Variants in PLPPR1 observed in about 807,000 individuals in gnomAD.
PLPPR1 encodes phospholipid phosphatase-related protein type 1.
PLPPR1 carries 10 observed loss-of-function variants against 33.1 expected under a neutral mutation model. That is an observed-to-expected ratio of 0.30 (90% CI 0.19 to 0.51). The LOEUF (loss-of-function observed/expected upper bound fraction) is 0.51, where lower values mean the gene tolerates loss of function less well. Ranked by LOEUF, PLPPR1 falls within the 20% of genes least tolerant of loss-of-function variation. The probability of loss-of-function intolerance (pLI) is 0.97; values close to 1 mark genes in which losing one functional copy is unlikely to be tolerated. For synonymous variants in PLPPR1, 151 were observed against 151.0 expected (o/e 1.00, Z 0.00); for missense variants, 304 against 408.1 (o/e 0.74, Z 2.20).
intron 2 of PLPPR1, among the ~76,000 whole-genome samples, chr9:101,239,463 C>A (rs888201023): frequency 4.6e-5 from 7 of 151,888 alleles, no homozygotes; most frequent in Non-Finnish European, 8.8e-5. Flanking sequence ...CAGAATCATG[C>A]AATATATCCA....
At chr9:101,164,265 C>G (rs1419843723) in intron 1 of PLPPR1, among the ~76,000 whole-genome samples, 1 of 152,078 alleles carries the variant, frequency 6.6e-6, no homozygotes, top group East Asian at 1.9e-4. Flanking sequence ...AAATGTTTCT[C>G]ATCTATAAAA....
Position 101,108,411 on chromosome 9 carries a change from G to T in PLPPR1, c.-45-77039G>T, listed in dbSNP as rs1379933964. Reference sequence around the variant, plus strand: ...AGTAGGTGCTCAATAGATGTTTGTTGAATGAAATAAAAACATGCATAGGTG... The same window carrying T: ...AGTAGGTGCTCAATAGATGTTTGTTTAATGAAATAAAAACATGCATAGGTG... On this transcript the variant is annotated intron_variant, in intron 1 of 7. Coordinates refer to ENST00000374874, the MANE Select transcript of PLPPR1 (RefSeq NM_207299.2). Among the ~76,000 whole-genome samples, 6 of 152,146 alleles carry T rather than the reference G, an allele frequency of 3.9e-5. No individual in the cohort carries two copies. The East Asian group carries it at 1.2e-3, about 29-fold the overall frequency.
chr9:101,252,974 G>A (rs115392139), intron 2 of PLPPR1, among the ~76,000 whole-genome samples: 2,768 of 152,076 alleles, frequency 0.018, 81 homozygotes, highest in African/African-American at 0.064. Flanking sequence ...AACTCATGAT[G>A]AGAAAATAAT....
intron 4 of PLPPR1, among the ~76,000 whole-genome samples, chr9:101,288,139 T>G (rs1240689983): frequency 1.3e-5 from 2 of 152,144 alleles, no homozygotes; most frequent in African/African-American, 2.4e-5. Context: ...CTTTATGCAT[T>G]GGTAGCACAA....
At position 101,038,088 on chromosome 9, in the gene PLPPR1, A is replaced by G. The variant is rs116837772; in HGVS notation, c.-46+8986A>G. 3.6e-3 allele frequency among the ~76,000 whole-genome samples: 553 copies of G among 152,238 alleles called. 5 individuals carry two copies. The highest frequency in any genetic ancestry group is 0.012 in the African/African-American group (507 of 41,562). The stretch of plus-strand genomic sequence containing the variant: ...AAAACGACTATCAGTTGTTTGGTGT[A>G]TATTTCTTCAACATTTTTGGTCCAT... On this transcript the variant is annotated intron_variant, in intron 1 of 7. Transcript: ENST00000374874.
At chr9:101,200,973 A>T (rs1243441820) in intron 2 of PLPPR1, among the ~76,000 whole-genome samples, 1 of 152,206 alleles carries the variant, frequency 6.6e-6, no homozygotes, top group African/African-American at 2.4e-5. Context: ...AAATCATAAA[A>T]AACAGAAAAG....
In PLPPR1 at chr9:101,313,070, C is replaced by T. The variant is rs954561633; in HGVS notation, c.813+96C>T. The T allele has an allele frequency of 3.0e-5, 32 of 1,058,408 alleles. 1 individual carries two copies. In the Admixed American group the frequency reaches 3.2e-4, roughly 11 times the overall value. 65.6% of individuals were successfully genotyped at this position (1,058,408 alleles called of 1,614,324 possible). On this transcript the variant is annotated intron_variant, in intron 6 of 7. Transcript: ENST00000374874. ...CAGACTTCACCATCTGTGTTCCTTT[C>T]GTCCCAACCTTGTGAATTACAATTA...
chr9:101,290,951 C>T lies in PLPPR1; in HGVS notation c.385+4715C>T, dbSNP rs540410803. Among the ~76,000 whole-genome samples, 6 of 152,288 alleles carry T rather than the reference C, an allele frequency of 3.9e-5. No homozygotes were observed. In the East Asian group the frequency reaches 5.8e-4, roughly 15 times the overall value. ...AGTGGGCGCAGGACAGTGGGTGCAG[C>T]GCACCAAGCGCGAGCCAAAGTAGGG... On this transcript the variant is annotated intron_variant, in intron 4 of 7. Coordinates refer to ENST00000374874, the MANE Select transcript of PLPPR1 (RefSeq NM_207299.2).
chr9:101,185,932 A>G (rs1316364452), intron 2 of PLPPR1, among the ~76,000 whole-genome samples: 1 of 151,914 alleles, frequency 6.6e-6, no homozygotes, highest in Non-Finnish European at 1.5e-5. Flanking sequence ...TCAGGAAGTC[A>G]ATAATCCATG....
chr9:101,317,083 A>C (rs920055737), intron 6 of PLPPR1, among the ~76,000 whole-genome samples: 2 of 152,212 alleles, frequency 1.3e-5, no homozygotes, highest in Non-Finnish European at 2.9e-5. Context: ...GGTGGTTTGC[A>C]TTCACCATGT....
At chr9:101,137,334 A>C (rs1042826469) in intron 1 of PLPPR1, among the ~76,000 whole-genome samples, 1 of 152,172 alleles carries the variant, frequency 6.6e-6, no homozygotes, top group African/African-American at 2.4e-5. Context: ...GGTGAAAAAG[A>C]AAGTCAGGGA....
intron 2 of PLPPR1, among the ~76,000 whole-genome samples, chr9:101,204,824 T>A (rs1319894933): frequency 6.6e-6 from 1 of 152,168 alleles, no homozygotes; most frequent in Non-Finnish European, 1.5e-5. Flanking sequence ...CCCAGTCCAG[T>A]CTAGTCTACC....
intron 2 of PLPPR1, among the ~76,000 whole-genome samples, chr9:101,203,929 GAGAA>G (rs111353463): frequency 6.6e-6 from 1 of 152,010 alleles, no homozygotes; most frequent in Non-Finnish European, 1.5e-5. Context: ...AAAGGAATTT[GAGAA>G]AGAGTTATGT....
chr9:101,192,951 A>G (rs556341990), intron 2 of PLPPR1, among the ~76,000 whole-genome samples: 24 of 152,274 alleles, frequency 1.6e-4, no homozygotes, highest in African/African-American at 5.8e-4. Context: ...TCAAGTATCT[A>G]TTTTTCATGG....
At position 101,218,580 on chromosome 9, in the gene PLPPR1, A is replaced by G. The variant is rs189956902; in HGVS notation, c.63+33023A>G. On this transcript the variant is annotated intron_variant, in intron 2 of 7. Coordinates refer to ENST00000374874, the MANE Select transcript of PLPPR1 (RefSeq NM_207299.2). ...CTTAAATGAAAAATATATAGGGCAT[A>G]GTGCAGTGCTTTGCCCATAGTAAGC... Among the ~76,000 whole-genome samples the G allele has an allele frequency of 3.3e-4, 50 of 152,334 alleles. 1 individual carries two copies. The highest frequency in any genetic ancestry group is 2.7e-3 in the Admixed American group (41 of 15,296).
At chr9:101,155,981 A>C (rs185245403) in intron 1 of PLPPR1, among the ~76,000 whole-genome samples, 2 of 152,292 alleles carry the variant, frequency 1.3e-5, no homozygotes, top group East Asian at 3.9e-4. Context: ...CCTTGTCTTT[A>C]AGGAGTCAGC....
chr9:101,296,817 G>A (rs952847348), intron 4 of PLPPR1, among the ~76,000 whole-genome samples: 1 of 150,736 alleles, frequency 6.6e-6, no homozygotes, highest in South Asian at 2.1e-4. Context: ...GAGCGGGGAG[G>A]GATAGCATTA....
intron 1 of PLPPR1, among the ~76,000 whole-genome samples, chr9:101,151,502 T>C (rs1831584886): frequency 6.6e-6 from 1 of 152,196 alleles, no homozygotes; most frequent in African/African-American, 2.4e-5. Flanking sequence ...CATGTTGCTT[T>C]GATGTGTTCT....
intron 6 of PLPPR1, among the ~76,000 whole-genome samples, chr9:101,316,486 G>A (rs1039651838): frequency 6.6e-6 from 1 of 151,708 alleles, no homozygotes; most frequent in Admixed American, 6.6e-5. Flanking sequence ...AGATGGAGAT[G>A]AGCCAGGTAG....
Sources: allele counts gnomAD v4.1 joint callset (sites outside exome capture counted in the v4.1 genomes callset), GRCh38; gene constraint gnomAD v4.1.1; transcripts MANE v1.5; gene names NCBI Gene and HGNC (gene_info 2026-07-23, HGNC 2026-07-21).